ARHGEF11: variants seen among roughly 807,000 people sequenced by gnomAD.
ARHGEF11 encodes the protein Rho guanine nucleotide exchange factor 11, also known as Rho guanine exchange factor (GEF) 11.
ARHGEF11 carries 55 observed loss-of-function variants against 193.7 expected under a neutral mutation model. The ratio of observed to expected loss-of-function variants is 0.28; its 90% CI spans 0.23 to 0.36. The LOEUF is 0.36. Among genes scored for constraint, ARHGEF11 ranks in the 10% least tolerant of loss-of-function variants. The pLI is 1.00. For synonymous variants in ARHGEF11, 693 were observed against 768.0 expected, an observed-to-expected ratio of 0.90 and a Z score of 1.62; for missense variants, 1,723 against 2,005.6, an observed-to-expected ratio of 0.86 and a Z score of 2.69.
At chr1:156,949,190 G>T in intron 22 of ARHGEF11, 2 of 842,122 alleles carry the variant, frequency 2.4e-6, no homozygotes, top group Non-Finnish European at 2.9e-6. Context: ...CCTTTTTACT[G>T]ATAGGCAGGA....
chr1:157,031,635 G>C (rs1671319274), intron 1 of ARHGEF11, among the ~76,000 whole-genome samples: 2 of 152,198 alleles, frequency 1.3e-5, no homozygotes, highest in South Asian at 4.1e-4. Flanking sequence ...CAGGAGAGGA[G>C]GAAGAGGCTC....
Position 156,960,423 on chromosome 1 carries a change from T to G in ARHGEF11, c.1277A>C (p.Glu426Ala). Residue 426 changes from glutamate to alanine, a missense_variant, in exon 15 of 41, where the codon GAA becomes GCA. By Grantham distance (107) the Glu-to-Ala change is moderately radical. This residue lies in a region of ARHGEF11 where 646 missense variants were observed against 710.7 expected (regional missense o/e 0.91). Transcript: ENST00000368194. ...RVKIPEMLQA[E>A]IDSRLRNSED... is the part of the protein sequence containing the mutation. Reference sequence around the variant, plus strand: ...CGACCAATGAGCCAACTTACCAATTTCAGCCTGTAGCATCTCAGGGATCTT... The same window carrying G: ...CGACCAATGAGCCAACTTACCAATTGCAGCCTGTAGCATCTCAGGGATCTT... 6.2e-7 allele frequency: 1 copy of G among 1,614,036 alleles called. No individual in the cohort carries two copies. The highest frequency in any genetic ancestry group is 1.1e-5 in the South Asian group (1 of 91,072).
At chr1:156,989,135 T>C (rs976648765) in intron 1 of ARHGEF11, among the ~76,000 whole-genome samples, 2 of 152,136 alleles carry the variant, frequency 1.3e-5, no homozygotes, top group African/African-American at 4.8e-5. Flanking sequence ...CCTGGGGGTA[T>C]GGAGGCGGCC....
intron 1 of ARHGEF11, among the ~76,000 whole-genome samples, chr1:157,014,959 T>C (rs1478954911): frequency 6.6e-6 from 1 of 152,138 alleles, no homozygotes; most frequent in Non-Finnish European, 1.5e-5. Flanking sequence ...GATTTCAGGC[T>C]CCATATGGAA....
At chr1:157,004,161 T>G (rs370084086) in intron 1 of ARHGEF11, among the ~76,000 whole-genome samples, 1 of 152,230 alleles carries the variant, frequency 6.6e-6, no homozygotes, top group African/African-American at 2.4e-5. Flanking sequence ...TACAACTCTT[T>G]ACCAGGTCCT....
chr1:156,963,216 TC>T lies in ARHGEF11; in HGVS notation c.1126del (p.Asp376ThrfsTer40). 6.2e-7 allele frequency: 1 copy of T among 1,613,532 alleles called. No homozygotes were observed. Among genetic ancestry groups the T allele is most frequent in the Non-Finnish European group, 8.5e-7 (1 of 1,179,598 alleles). On this transcript the variant is annotated frameshift_variant, in exon 13 of 41. Transcript: ENST00000368194. LOFTEE classifies it high-confidence loss of function. ...ATTCTGACTTACCAGTGGACTGGGGTCCGCCTGAGAGAAGATGTAACGTAGA... is the reference window on the plus strand; with the variant it reads ...ATTCTGACTTACCAGTGGACTGGGGTCGCCTGAGAGAAGATGTAACGTAGA... ...VFLRYIFSQA[D>X]PSPLLFYLCA... is the part of the protein sequence containing the mutation.
In ARHGEF11 at chr1:156,936,966, C is replaced by A; in HGVS notation, c.4480G>T (p.Gly1494Trp). 1.2e-6 allele frequency: 2 copies of A among 1,614,150 alleles called. No individual in the cohort carries two copies. The highest frequency in any genetic ancestry group is 1.1e-5 in the South Asian group (1 of 91,080). The part of the protein sequence containing the change: ...LAHRELLKSL[G>W]GESSGGTTPV... ...GTGGTGCCACCAGATGACTCTCCCC[C>A]AAGGGACTTGAGCAGCTCTCTGTGG... Residue 1494 changes from glycine (G) to tryptophan (W), a missense_variant, in exon 40 of 41, where the codon GGG becomes TGG. By Grantham distance (184) the Gly-to-Trp change is radical. This residue lies in a region of ARHGEF11 where 360 missense variants were observed against 344.4 expected (regional missense o/e 1.05). Transcript: ENST00000368194.
At chr1:156,973,823 T>C (rs1662877651) in intron 7 of ARHGEF11, among the ~76,000 whole-genome samples, 1 of 152,200 alleles carries the variant, frequency 6.6e-6, no homozygotes, top group African/African-American at 2.4e-5. Flanking sequence ...TCCTCTCCTT[T>C]TTGCTCTTAC....
At chr1:156,947,046 C>T in intron 26 of ARHGEF11, 31 bp from the exon 27 acceptor site, 1 of 1,613,334 alleles carries the variant, frequency 6.2e-7, no homozygotes, top group Non-Finnish European at 8.5e-7. Context: ...ATAGAAATGC[C>T]TGGGGTTGAG....
rs543271000 is a variant in ARHGEF11 at position 156,938,439 on chromosome 1, C to T, written c.4171G>A (p.Glu1391Lys). The change falls in exon 38 of 41, where the codon GAA becomes AAA. Residue 1391 changes from glutamate to lysine, a missense_variant. By Grantham distance (56) the Glu-to-Lys change is moderately conservative. Coordinates refer to ENST00000368194, the MANE Select transcript of ARHGEF11 (RefSeq NM_198236.3). The stretch of plus-strand genomic sequence containing the variant: ...TTACCCGTAGCCTTTGTTCCGCCTT[C>T]CACTTCAGGTGGCCCAGGCTCTGAC... ...GQSEPGPPEVEGGTKATGNCF... is the reference protein window; with the variant it reads ...GQSEPGPPEVKGGTKATGNCF... The T allele has an allele frequency of 3.1e-6, 5 of 1,613,846 alleles. No homozygotes were observed. The East Asian group carries it at 8.9e-5, about 29-fold the overall frequency.
chr1:156,943,790 C>A, intron 32 of ARHGEF11, 145 bp downstream of exon 32: 1 of 1,047,132 alleles, frequency 9.5e-7, no homozygotes, highest in Non-Finnish European at 1.3e-6. Context: ...CCAGTCCTAC[C>A]ACTTAGGCTG....
intron 1 of ARHGEF11, among the ~76,000 whole-genome samples, chr1:157,015,057 C>T (rs905388955): frequency 2.0e-5 from 3 of 152,192 alleles, no homozygotes; most frequent in African/African-American, 7.2e-5. Context: ...GTCCTCCTCT[C>T]GTATTCTCTC....
chr1:156,971,956 G>C, intron 7 of ARHGEF11, 140 bp from the exon 8 acceptor site: 5 of 996,586 alleles, frequency 5.0e-6, no homozygotes, highest in Non-Finnish European at 7.1e-6. Context: ...CCTCCAAGTA[G>C]ATGCACGGTA....
chr1:156,993,376 G>A (rs962546455), intron 1 of ARHGEF11, among the ~76,000 whole-genome samples: 2 of 151,900 alleles, frequency 1.3e-5, no homozygotes, highest in Admixed American at 6.6e-5. Flanking sequence ...TATATGACAT[G>A]ATTAAAGATA....
intron 1 of ARHGEF11, among the ~76,000 whole-genome samples, chr1:157,005,518 AC>A (rs1667719601): frequency 6.6e-6 from 1 of 152,068 alleles, no homozygotes; most frequent in South Asian, 2.1e-4. Context: ...GCCATTCAGA[AC>A]CCCCAGAATT....
Position 156,981,418 on chromosome 1 carries a change from C to G in ARHGEF11, c.224-932G>C, listed in dbSNP as rs1274976746. Among the ~76,000 whole-genome samples, 17 of 152,280 alleles carry G rather than the reference C, an allele frequency of 1.1e-4. No homozygotes were observed. The East Asian group carries it at 3.1e-3, about 28-fold the overall frequency. ...ACTGTGAGGTGCTCAAAAGAACATGCTCTTGACTTTTGCAACTTGTCATTC... is the reference window on the plus strand; with the variant it reads ...ACTGTGAGGTGCTCAAAAGAACATGGTCTTGACTTTTGCAACTTGTCATTC... On this transcript the variant is annotated intron_variant, in intron 3 of 40. Transcript: ENST00000368194.
At position 156,946,990 on chromosome 1, in the gene ARHGEF11, C is replaced by T; in HGVS notation, c.2514G>A (p.Lys838=). Residue 838 remains lysine (K), a synonymous_variant, in exon 27 of 41, where the codon AAG becomes AAA. Coordinates refer to ENST00000368194, the MANE Select transcript of ARHGEF11 (RefSeq NM_198236.3). ...IHNSWCEAMK[K]LREEGPIIKE... Reference sequence around the variant, plus strand: ...TGATGATGGGGCCTTCCTCCCGGAGCTTCTTCATGGCTTCACACCAGGAAT... The same window carrying T: ...TGATGATGGGGCCTTCCTCCCGGAGTTTCTTCATGGCTTCACACCAGGAAT... 6.2e-7 allele frequency: 1 copy of T among 1,614,148 alleles called. No individual in the cohort carries two copies. Among genetic ancestry groups the T allele is most frequent in the South Asian group, 1.1e-5 (1 of 91,080 alleles).
intron 22 of ARHGEF11, among the ~76,000 whole-genome samples, chr1:156,950,220 A>G (rs989091085): frequency 3.9e-5 from 6 of 152,162 alleles, no homozygotes; most frequent in African/African-American, 1.4e-4. Context: ...AAATCTGTCA[A>G]TTCTCATGGC....
chr1:156,989,986 C>T (rs1665487495), intron 1 of ARHGEF11, among the ~76,000 whole-genome samples: 2 of 152,182 alleles, frequency 1.3e-5, no homozygotes, highest in Admixed American at 1.3e-4. Context: ...ATCAGCACAC[C>T]CAATGAGTCT....
Sources: gnomAD v4.1 joint callset for allele counts (sites outside exome capture counted in the v4.1 genomes callset) on GRCh38, gnomAD v4.1.1 for gene constraint, gnomAD v4.1.1 regional missense constraint, MANE v1.5 for transcripts, NCBI Gene and HGNC (gene_info 2026-07-23, HGNC 2026-07-21) for gene names.